Variants in WWC1 observed in about 807,000 individuals in gnomAD.
WWC1 encodes protein KIBRA.
Under a neutral mutation model 138.4 loss-of-function variants are expected in WWC1, and 55 were observed. That is an observed-to-expected ratio of 0.40 (90% CI 0.32 to 0.50). The LOEUF (loss-of-function observed/expected upper bound fraction) is 0.50. WWC1 is among the 20% of genes least tolerant of loss of function. The pLI is 0.72. For missense variants in WWC1, 1,226 were observed against 1,420.4 expected, an observed-to-expected ratio of 0.86 and a Z score of 2.20; for synonymous variants, 524 against 564.9, an observed-to-expected ratio of 0.93 and a Z score of 1.03.
At chr5:168,343,358 A>G (rs1280522102) in intron 1 of WWC1, among the ~76,000 whole-genome samples, 1 of 152,164 alleles carries the variant, frequency 6.6e-6, no homozygotes, top group Non-Finnish European at 1.5e-5. Context: ...GACAAGTGAA[A>G]GTGATGACCC....
rs368175149 is a variant in WWC1 at position 168,467,922 on chromosome 5, G to A, written c.3233G>A (p.Arg1078Gln). Residue 1078 changes from arginine to glutamine, a missense_variant, in exon 22 of 23, where the codon CGA (arginine) becomes CAA (glutamine). Physicochemically the swap from Arg to Gln is conservative, Grantham distance 43. Coordinates refer to ENST00000265293, the MANE Select transcript of WWC1 (RefSeq NM_015238.3). Reference protein sequence around the residue: ...RAAAKDVHRLRGQSCKEPPEV... With the variant: ...RAAAKDVHRLQGQSCKEPPEV... ...GCTGCCAAGGATGTGCACAGGCTCC[G>A]AGGCCAGAGCTGTAAGGAACCCCCA... is the stretch of plus-strand genomic sequence containing the variant. The A allele has an allele frequency of 1.7e-5, 28 of 1,614,242 alleles. No homozygotes were observed. Among genetic ancestry groups the A allele is most frequent in the African/African-American group, 4.0e-5 (3 of 75,068 alleles).
intron 1 of WWC1, among the ~76,000 whole-genome samples, chr5:168,363,962 G>A (rs769581953): frequency 2.0e-4 from 31 of 152,224 alleles, no homozygotes; most frequent in East Asian, 9.6e-4. Context: ...GATAGCTCAC[G>A]TGTTAAGGAT....
chr5:168,422,542 G>C (rs369880029), intron 10 of WWC1, among the ~76,000 whole-genome samples: 3 of 152,142 alleles, frequency 2.0e-5, no homozygotes, highest in Non-Finnish European at 4.4e-5. Flanking sequence ...ACTTGAGCCC[G>C]GGAGGAGGCT....
At chr5:168,426,726 T>C (rs1781532775) in intron 11 of WWC1, among the ~76,000 whole-genome samples, 2 of 152,210 alleles carry the variant, frequency 1.3e-5, no homozygotes, top group African/African-American at 4.8e-5. Context: ...ACCCGCCTTG[T>C]CACCCATCGC....
At chr5:168,294,165 C>T (rs1309735648) in intron 1 of WWC1, among the ~76,000 whole-genome samples, 1 of 152,266 alleles carries the variant, frequency 6.6e-6, no homozygotes, top group Non-Finnish European at 1.5e-5. Context: ...CCCCTCTCAA[C>T]AGTAATTCTT....
intron 17 of WWC1, among the ~76,000 whole-genome samples, chr5:168,449,290 A>T (rs1755579580): frequency 6.6e-6 from 1 of 152,200 alleles, no homozygotes. Flanking sequence ...TTCACAGTCA[A>T]AAAGAAGAGA....
In WWC1 at chr5:168,343,816, C is replaced by CA. The variant is rs35208487; in HGVS notation, c.120-27590dup. ...TGGGCGACACAGTGAGACTATGTCT[C>CA]AAAAAAAAAAAAAAAAAAGTTGAAC... On this transcript the variant is annotated intron_variant, in intron 1 of 22. Coordinates refer to ENST00000265293, the MANE Select transcript of WWC1 (RefSeq NM_015238.3). Among the ~76,000 whole-genome samples, 261 of 135,604 alleles carry CA rather than the reference C, an allele frequency of 1.9e-3. 2 individuals are homozygous for CA. The highest frequency in any genetic ancestry group is 5.1e-3 in the African/African-American group (188 of 36,678). The allele number at this position is 135,604 out of a possible 152,430, so 89.0% of individuals were successfully genotyped here.
chr5:168,416,728 A>G (rs935917346), intron 9 of WWC1, among the ~76,000 whole-genome samples: 5 of 152,198 alleles, frequency 3.3e-5, no homozygotes, highest in Non-Finnish European at 7.3e-5. Context: ...TCATTGACCA[A>G]TTTGGGTTTC....
chr5:168,373,194 T>G (rs1028214998), intron 2 of WWC1, among the ~76,000 whole-genome samples: 1 of 152,194 alleles, frequency 6.6e-6, no homozygotes, highest in Non-Finnish European at 1.5e-5. Context: ...AGTCTTTTCC[T>G]GTTTCTAATT....
At chr5:168,392,178 A>T (rs1778559655) in intron 3 of WWC1, among the ~76,000 whole-genome samples, 1 of 152,124 alleles carries the variant, frequency 6.6e-6, no homozygotes. Context: ...GCAAATTCAG[A>T]GCCAGAGTGT....
At chr5:168,331,717 GA>G (rs1239859166) in intron 1 of WWC1, among the ~76,000 whole-genome samples, 1 of 152,168 alleles carries the variant, frequency 6.6e-6, no homozygotes, top group Non-Finnish European at 1.5e-5. Context: ...GAAAACCGTG[GA>G]AAAACCATTT....
chr5:168,296,898 C>T (rs1345166606), intron 1 of WWC1, among the ~76,000 whole-genome samples: 3 of 152,164 alleles, frequency 2.0e-5, no homozygotes, highest in Non-Finnish European at 4.4e-5. Context: ...GGAATTTGGC[C>T]TTGGGAAATG....
Position 168,454,125 on chromosome 5 carries a change from G to C in WWC1, c.2658+25G>C, listed in dbSNP as rs576895418. The C allele has an allele frequency of 1.3e-5, 21 of 1,605,450 alleles. No homozygotes were observed. The African/African-American group carries it at 2.7e-4, about 21-fold the overall frequency. Reference sequence around the variant, plus strand: ...GGTAGGAAGGGCTGGGGGGATAGAAGGGCTGTCGTGGGGAAGGAACCTTCA... The same window carrying C: ...GGTAGGAAGGGCTGGGGGGATAGAACGGCTGTCGTGGGGAAGGAACCTTCA... On this transcript the variant is annotated intron_variant, in intron 18 of 22. Transcript: ENST00000265293.
chr5:168,340,578 C>T (rs1773960626), intron 1 of WWC1, among the ~76,000 whole-genome samples: 1 of 152,018 alleles, frequency 6.6e-6, no homozygotes, highest in African/African-American at 2.4e-5. Context: ...TAAACAGAGT[C>T]ATACAATATG....
chr5:168,357,496 G>A (rs780897632), intron 1 of WWC1, among the ~76,000 whole-genome samples: 11 of 96,928 alleles, frequency 1.1e-4, no homozygotes, highest in East Asian at 6.9e-4. Flanking sequence ...GTGTGTGTGC[G>A]CGCGCGCACG....
intron 8 of WWC1, among the ~76,000 whole-genome samples, chr5:168,410,906 T>C (rs926016622): frequency 2.6e-5 from 4 of 151,290 alleles, no homozygotes; most frequent in African/African-American, 7.3e-5. Context: ...TCCTGGACAA[T>C]CTGTCTTTAA....
intron 1 of WWC1, among the ~76,000 whole-genome samples, chr5:168,304,794 C>T (rs1001628925): frequency 1.3e-5 from 2 of 151,816 alleles, no homozygotes; most frequent in East Asian, 3.9e-4. Context: ...CAGGTGCACA[C>T]AGCCAGTTGA....
At chr5:168,310,498 G>GAT (rs1770974323) in intron 1 of WWC1, among the ~76,000 whole-genome samples, 1 of 151,230 alleles carries the variant, frequency 6.6e-6, no homozygotes, top group South Asian at 2.1e-4. Context: ...ATCATTTATA[G>GAT]ATATATATAA....
chr5:168,361,154 G>A (rs1775850420), intron 1 of WWC1, among the ~76,000 whole-genome samples: 1 of 152,202 alleles, frequency 6.6e-6, no homozygotes, highest in African/African-American at 2.4e-5. Flanking sequence ...GAAAACTGAG[G>A]CTCAGACCTG....
Sources: gnomAD v4.1 joint callset for allele counts (sites outside exome capture counted in the v4.1 genomes callset) on GRCh38, gnomAD v4.1.1 for gene constraint, MANE v1.5 for transcripts, NCBI Gene and HGNC (gene_info 2026-07-23, HGNC 2026-07-21) for gene names.